Variants in SLC35F3 observed in about 807,000 individuals in gnomAD.
The protein encoded by SLC35F3 is solute carrier family 35 member F3, also known as putative thiamine transporter SLC35F3.
SLC35F3 carries 25 observed loss-of-function variants against 49.9 expected under a neutral mutation model. That is an observed-to-expected ratio of 0.50 (90% CI 0.37 to 0.70). The LOEUF (loss-of-function observed/expected upper bound fraction) is 0.70. Among genes scored for constraint, SLC35F3 ranks in the 30% least tolerant of loss-of-function variants. SLC35F3 has a pLI of 0.00. For missense variants in SLC35F3, 525 were observed against 639.8 expected, an observed-to-expected ratio of 0.82 and a Z score of 1.94; for synonymous variants, 275 against 265.4, an observed-to-expected ratio of 1.04 and a Z score of -0.35.
intron 3 of SLC35F3, among the ~76,000 whole-genome samples, chr1:234,295,235 G>A (rs1033286452): frequency 6.6e-6 from 1 of 152,220 alleles, no homozygotes; most frequent in African/African-American, 2.4e-5. Flanking sequence ...GTGACGAAGG[G>A]ACTACAGTTG....
chr1:234,003,902 T>C (rs1461133077), intron 2 of SLC35F3, among the ~76,000 whole-genome samples: 1 of 152,180 alleles, frequency 6.6e-6, no homozygotes, highest in Admixed American at 6.6e-5. Flanking sequence ...ACTAATGAAG[T>C]ATAATTTTTC....
chr1:234,117,730 C>CA (rs1249846313), intron 2 of SLC35F3, among the ~76,000 whole-genome samples: 1 of 150,726 alleles, frequency 6.6e-6, no homozygotes, highest in Admixed American at 6.6e-5. Context: ...ACTAAAATTA[C>CA]AAAAAATTAG....
At chr1:234,066,832 A>C (rs59887169) in intron 2 of SLC35F3, among the ~76,000 whole-genome samples, 20 of 44,432 alleles carry the variant, frequency 4.5e-4, no homozygotes, top group African/African-American at 2.1e-3. Flanking sequence ...TCTCTCTCCC[A>C]CACACACACA....
intron 2 of SLC35F3, among the ~76,000 whole-genome samples, chr1:233,995,639 A>G (rs951937489): frequency 6.6e-6 from 1 of 152,168 alleles, no homozygotes; most frequent in African/African-American, 2.4e-5. Context: ...CTTTTCTTGG[A>G]CAAGTCTCAG....
chr1:234,082,316 G>C (rs1664890342), intron 2 of SLC35F3, among the ~76,000 whole-genome samples: 1 of 152,124 alleles, frequency 6.6e-6, no homozygotes, highest in Non-Finnish European at 1.5e-5. Context: ...AGGAATCTCT[G>C]TAAATGCCAC....
intron 2 of SLC35F3, among the ~76,000 whole-genome samples, chr1:234,158,395 C>T (rs1666182208): frequency 6.6e-6 from 1 of 152,154 alleles, no homozygotes; most frequent in Non-Finnish European, 1.5e-5. Flanking sequence ...CCTTTCAATA[C>T]TTATAGTTTT....
At chr1:234,248,195 G>A (rs1200143399) in intron 3 of SLC35F3, among the ~76,000 whole-genome samples, 2 of 152,062 alleles carry the variant, frequency 1.3e-5, no homozygotes, top group African/African-American at 2.4e-5. Context: ...CAGTTGGCTG[G>A]TCCATTGTTT....
At chr1:234,110,410 A>T (rs1665388798) in intron 2 of SLC35F3, among the ~76,000 whole-genome samples, 1 of 152,244 alleles carries the variant, frequency 6.6e-6, no homozygotes, top group Non-Finnish European at 1.5e-5. Context: ...CAGAGCCAGG[A>T]AGGGATGGTG....
intron 2 of SLC35F3, among the ~76,000 whole-genome samples, chr1:234,045,726 A>G (rs1226656039): frequency 6.6e-6 from 1 of 151,868 alleles, no homozygotes; most frequent in Non-Finnish European, 1.5e-5. Flanking sequence ...TTTTTTTTAA[A>G]GAAATAGAAT....
At chr1:233,986,067 T>G (rs1663262010) in intron 2 of SLC35F3, among the ~76,000 whole-genome samples, 1 of 152,166 alleles carries the variant, frequency 6.6e-6, no homozygotes, top group Admixed American at 6.5e-5. Flanking sequence ...AAAATGTGTA[T>G]TATAACAATA....
intron 2 of SLC35F3, among the ~76,000 whole-genome samples, chr1:234,223,944 G>GGA (rs1341846692): frequency 2.6e-5 from 4 of 152,066 alleles, no homozygotes; most frequent in African/African-American, 9.7e-5. Context: ...ATGTGTGTAT[G>GGA]GAGAGAGAGA....
rs1246830187 is a variant in SLC35F3, at chr1:234,248,196, T to TG, written c.608+16455_608+16456insG. Among the ~76,000 whole-genome samples the TG allele has an allele frequency of 2.0e-5, 3 of 152,158 alleles. No homozygotes were observed. In the East Asian group the frequency reaches 5.8e-4, roughly 29 times the overall value. On this transcript the variant is annotated intron_variant, in intron 3 of 7. Coordinates refer to ENST00000366618, the MANE Select transcript of SLC35F3 (RefSeq NM_173508.4). ...ATTGTTTGATGGGTCAGTTGGCTGG[T>TG]CCATTGTTTGGTGGGTTGGTTGGTT...
At chr1:234,162,187 A>G (rs1666237948) in intron 2 of SLC35F3, among the ~76,000 whole-genome samples, 1 of 151,782 alleles carries the variant, frequency 6.6e-6, no homozygotes, top group Non-Finnish European at 1.5e-5. Context: ...GTGAAATCCA[A>G]CATAGAGAGG....
chr1:234,177,904 A>G (rs572611079), intron 2 of SLC35F3, among the ~76,000 whole-genome samples: 12 of 152,354 alleles, frequency 7.9e-5, no homozygotes, highest in African/African-American at 2.9e-4. Flanking sequence ...TTGTGCAATC[A>G]TAGTACAGTT....
At chr1:233,920,279 G>A (rs904433764) in intron 2 of SLC35F3, among the ~76,000 whole-genome samples, 2 of 152,228 alleles carry the variant, frequency 1.3e-5, no homozygotes, top group African/African-American at 4.8e-5. Context: ...TATTCTGGGA[G>A]TGGGAGCAAT....
chr1:234,059,600 GAGACATAGACATAGACT>G (rs1293685557), intron 2 of SLC35F3, among the ~76,000 whole-genome samples: 2 of 148,840 alleles, frequency 1.3e-5, no homozygotes, highest in African/African-American at 2.4e-5. Flanking sequence ...GCTAGAGCTA[GAGACATAGACATAGACT>G]AGACATAGAC....
intron 2 of SLC35F3, among the ~76,000 whole-genome samples, chr1:234,142,887 A>G (rs1665939050): frequency 6.6e-6 from 1 of 152,190 alleles, no homozygotes; most frequent in Non-Finnish European, 1.5e-5. Context: ...GGAAATCTCT[A>G]TTCACTCTGG....
At chr1:234,117,936 G>GTATATATATATATATA (rs1665515801) in intron 2 of SLC35F3, among the ~76,000 whole-genome samples, 5 of 116,096 alleles carry the variant, frequency 4.3e-5, no homozygotes, top group East Asian at 2.9e-3. Flanking sequence ...GTGTGTGTGT[G>GTATATATATATATATA]TGTGTGTGTG....
intron 2 of SLC35F3, among the ~76,000 whole-genome samples, chr1:234,097,561 C>T (rs557418236): frequency 2.6e-5 from 4 of 152,226 alleles, no homozygotes; most frequent in South Asian, 2.1e-4. Context: ...CACGCACACA[C>T]GCACATTATT....
Sources: gnomAD v4.1 joint callset for allele counts (sites outside exome capture counted in the v4.1 genomes callset) on GRCh38, gnomAD v4.1.1 for gene constraint, MANE v1.5 for transcripts, NCBI Gene and HGNC (gene_info 2026-07-23, HGNC 2026-07-21) for gene names.